DDX4: variants seen among roughly 807,000 people sequenced by gnomAD.
The protein encoded by DDX4 is probable ATP-dependent RNA helicase DDX4.
Under a neutral mutation model 100.0 loss-of-function variants are expected in DDX4, and 25 were observed. The ratio of observed to expected loss-of-function variants is 0.25; its 90% CI spans 0.18 to 0.35. The LOEUF (loss-of-function observed/expected upper bound fraction) is 0.35, where lower values mean the gene tolerates loss of function less well. Ranked by LOEUF, DDX4 falls within the 10% of genes least tolerant of loss-of-function variation. The pLI is 1.00. For missense variants in DDX4, 635 were observed against 882.4 expected, an observed-to-expected ratio of 0.72 and a Z score of 3.55; for synonymous variants, 259 against 275.7, an observed-to-expected ratio of 0.94 and a Z score of 0.60.
In DDX4 at chr5:55,781,125, A is replaced by C; in HGVS notation, c.556A>C (p.Arg186=). 6.2e-7 allele frequency: 1 copy of C among 1,612,828 alleles called. No individual in the cohort carries two copies. The highest frequency in any genetic ancestry group is 8.5e-7 in the Non-Finnish European group (1 of 1,179,666). ...CACTGGTGGCCTTTTTGGTTCTAGA[A>C]GACCAGTATTAAGTGGCACAGGTGA... ...QRTGGLFGSR[R]PVLSGTGNGD... Residue 186 remains arginine, a synonymous_variant, in exon 9 of 22, where the codon AGA becomes CGA. Transcript: ENST00000505374.
chr5:55,768,071 T>C, intron 7 of DDX4, 131 bp downstream of exon 7: 1 of 813,732 alleles, frequency 1.2e-6, no homozygotes, highest in Non-Finnish European at 2.1e-6. Flanking sequence ...GGTATATGTT[T>C]TCTGCTTTTA....
At chr5:55,801,685 G>A (rs367701884) in intron 18 of DDX4, among the ~76,000 whole-genome samples, 3 of 152,286 alleles carry the variant, frequency 2.0e-5, no homozygotes, top group African/African-American at 7.2e-5. Context: ...GGTGCAGCAA[G>A]ATTGTTCATT....
rs1181536344 is a variant in DDX4, at chr5:55,752,286, A to G, written c.127+6065A>G. On this transcript the variant is annotated intron_variant, in intron 3 of 21. Coordinates refer to ENST00000505374, the MANE Select transcript of DDX4 (RefSeq NM_024415.3). Reference sequence around the variant, plus strand: ...CCATGCTGGTGCGCTGCACCCACTAACTCGTCATCTAGCATTAGGTATATC... The same window carrying G: ...CCATGCTGGTGCGCTGCACCCACTAGCTCGTCATCTAGCATTAGGTATATC... Among the ~76,000 whole-genome samples, 7 of 144,456 alleles carry G rather than the reference A, an allele frequency of 4.8e-5. 1 individual carries two copies. The highest frequency in any genetic ancestry group is 1.3e-4 in the African/African-American group (5 of 38,624). The allele number at this position is 144,456 out of a possible 152,430, so 94.8% of individuals were successfully genotyped here. A position where few individuals can be genotyped will look rare whatever the true frequency, so the allele number is the denominator to read the frequency against.
intron 18 of DDX4, among the ~76,000 whole-genome samples, chr5:55,807,432 A>G (rs572215297): frequency 6.6e-6 from 1 of 152,086 alleles, no homozygotes; most frequent in South Asian, 2.1e-4. Flanking sequence ...GGTCTTTACA[A>G]TTTGGCATGT....
At chr5:55,777,962 T>C (rs1169215716) in intron 7 of DDX4, among the ~76,000 whole-genome samples, 1 of 152,096 alleles carries the variant, frequency 6.6e-6, no homozygotes. Flanking sequence ...GAACAGAGAT[T>C]AATAAGAATA....
At position 55,816,561 on chromosome 5, in the gene DDX4, C is replaced by T; in HGVS notation, c.*21C>T. The stretch of plus-strand genomic sequence containing the variant: ...ATTAAAGCCAAAACATCCTTCAAGT[C>T]TGTGGTTTTGATGCAGAGAAGAAAA... On this transcript the variant is annotated 3_prime_UTR_variant, in exon 22 of 22. Transcript: ENST00000505374. The T allele has an allele frequency of 1.2e-6, 2 of 1,604,184 alleles. No homozygotes were observed. The highest frequency in any genetic ancestry group is 1.7e-6 in the Non-Finnish European group (2 of 1,176,784).
chr5:55,779,855 C>T (rs1242864203), intron 7 of DDX4, 109 bp from the exon 8 acceptor site: 22 of 1,421,740 alleles, frequency 1.5e-5, no homozygotes, highest in Non-Finnish European at 2.0e-5. Flanking sequence ...CCTTTAAACA[C>T]TTGTTTAAAG....
rs1255492817 is a variant in DDX4 at position 55,790,614 on chromosome 5, A to T, written c.1211A>T (p.Gln404Leu). 6.2e-7 allele frequency: 1 copy of T among 1,605,810 alleles called. No homozygotes were observed. The highest frequency in any genetic ancestry group is 8.5e-7 in the Non-Finnish European group (1 of 1,172,486). Residue 404 changes from glutamine to leucine, a missense_variant, in exon 16 of 22, where the codon CAG (glutamine) becomes CTG (leucine). Transcript: ENST00000505374. ...VRAVVIYGGT[Q>L]LGHSIRQIVQ... The stretch of plus-strand genomic sequence containing the variant: ...GCTGTTGTTATATATGGGGGAACCC[A>T]GCTGGGACATTCAATTCGACAAATA...
intron 3 of DDX4, 25 bp from the exon 4 acceptor site, chr5:55,760,171 GACTT>G: frequency 6.4e-7 from 1 of 1,558,150 alleles, no homozygotes; most frequent in South Asian, 1.2e-5. Context: ...GTTTTTATTT[GACTT>G]ACTTCAAAAT....
chr5:55,792,118 CT>C (rs1441135144), intron 16 of DDX4, among the ~76,000 whole-genome samples: 1 of 109,432 alleles, frequency 9.1e-6, no homozygotes, highest in Non-Finnish European at 1.8e-5. Context: ...AGCAAGACTC[CT>C]TCTCAAAAAA....
chr5:55,793,866 A>G (rs1173481038), intron 17 of DDX4, among the ~76,000 whole-genome samples: 1 of 152,224 alleles, frequency 6.6e-6, no homozygotes, highest in Non-Finnish European at 1.5e-5. Context: ...TGAGTGGTGC[A>G]GTATATATAT....
intron 18 of DDX4, among the ~76,000 whole-genome samples, chr5:55,810,994 T>G (rs989790417): frequency 4.0e-5 from 6 of 151,608 alleles, no homozygotes; most frequent in African/African-American, 9.7e-5. Flanking sequence ...CTTTAGTCTT[T>G]TTTTCTTCTT....
intron 7 of DDX4, among the ~76,000 whole-genome samples, chr5:55,775,944 A>G (rs1741534968): frequency 6.6e-6 from 1 of 152,122 alleles, no homozygotes; most frequent in African/African-American, 2.4e-5. Flanking sequence ...AACATGTTAA[A>G]ACCCCGTCTC....
intron 3 of DDX4, among the ~76,000 whole-genome samples, chr5:55,747,332 T>G (rs1759298071): frequency 6.6e-6 from 1 of 152,126 alleles, no homozygotes; most frequent in Admixed American, 6.5e-5. Flanking sequence ...AAGTCGAGAT[T>G]ACGCCACTGT....
rs117440050 is a variant in DDX4 at position 55,747,102 on chromosome 5, G to C, written c.127+881G>C. Reference sequence around the variant, plus strand: ...GAGTCTTTGTCTACAGAAAATTTAGGCTGGGTATGGTGGCTCATGCCTGTA... The same window carrying C: ...GAGTCTTTGTCTACAGAAAATTTAGCCTGGGTATGGTGGCTCATGCCTGTA... On this transcript the variant is annotated intron_variant, in intron 3 of 21. Coordinates refer to ENST00000505374, the MANE Select transcript of DDX4 (RefSeq NM_024415.3). 2.2e-4 allele frequency among the ~76,000 whole-genome samples: 33 copies of C among 152,058 alleles called. No homozygotes were observed. In the East Asian group the frequency reaches 6.4e-3, roughly 29 times the overall value.
At chr5:55,749,805 G>T in intron 3 of DDX4, among the ~76,000 whole-genome samples, 2 of 136,612 alleles carry the variant, frequency 1.5e-5, no homozygotes, top group Non-Finnish European at 1.5e-5. Flanking sequence ...TTGTATGTGT[G>T]TGTCTTTTTT....
intron 18 of DDX4, among the ~76,000 whole-genome samples, chr5:55,802,089 C>T (rs1236274284): frequency 6.6e-6 from 1 of 152,140 alleles, no homozygotes; most frequent in Non-Finnish European, 1.5e-5. Context: ...AGTATCTGGT[C>T]CTACCTACCA....
At chr5:55,767,285 A>G (rs1401427630) in intron 6 of DDX4, among the ~76,000 whole-genome samples, 1 of 152,180 alleles carries the variant, frequency 6.6e-6, no homozygotes, top group Admixed American at 6.5e-5. Context: ...TCCTAAAAAT[A>G]CAAAAATTAG....
intron 6 of DDX4, 29 bp downstream of exon 6, chr5:55,764,093 T>C: frequency 6.5e-7 from 1 of 1,527,840 alleles, no homozygotes; most frequent in Non-Finnish European, 9.1e-7. Context: ...TGTTTTAAAA[T>C]TTAATGTCAA....
Sources: allele counts gnomAD v4.1 joint callset (sites outside exome capture counted in the v4.1 genomes callset), GRCh38; gene constraint gnomAD v4.1.1; transcripts MANE v1.5; gene names NCBI Gene and HGNC (gene_info 2026-07-23, HGNC 2026-07-21).